C1RL: variants seen among roughly 807,000 people sequenced by gnomAD.
The protein encoded by C1RL is complement C1r subcomponent-like protein.
A neutral mutation model predicts 27.9 loss-of-function variants in C1RL; 27 were observed. The ratio of observed to expected loss-of-function variants is 0.97; its 90% CI spans 0.71 to 1.33. The LOEUF (loss-of-function observed/expected upper bound fraction) is 1.33, where lower values mean the gene tolerates loss of function less well. C1RL is among the 40% of genes most tolerant of loss of function. The pLI is 0.00. For missense variants in C1RL, 563 were observed against 623.9 expected (o/e 0.90, Z 1.04); for synonymous variants, 248 against 252.1 (o/e 0.98, Z 0.15).
At chr12:7,108,796 C>A (rs1349030729) in intron 1 of C1RL, 4 of 551,804 alleles carry the variant, frequency 7.2e-6, no homozygotes, top group Non-Finnish European at 9.6e-6. Context: ...GCAGATCCCA[C>A]CCCACCCTGG....
rs775820531 is a variant in C1RL, at chr12:7,096,947, A to C, written c.908T>G (p.Leu303Trp). 6.2e-7 allele frequency: 1 copy of C among 1,612,804 alleles called. No individual in the cohort carries two copies. Among genetic ancestry groups the C allele is most frequent in the Non-Finnish European group, 8.5e-7 (1 of 1,179,274 alleles). ...LRKNQSVNVF[L>W]GHTAIDEMLK... ...CATCTCATCTATGGCTGTGTGGCCC[A>C]AGAACACATTCACACTCTGGTTCTT... The change falls in exon 6 of 6, where the codon TTG becomes TGG. Residue 303 changes from leucine to tryptophan, a missense_variant. Transcript: ENST00000266542.
At position 7,095,578 on chromosome 12, in the gene C1RL, G is replaced by T; in HGVS notation, c.*813C>A. ...GGCCATTAGGAAAGTGTGAGCTAGA[G>T]GATACCATTTTCGCAGAAGCAGGAA... On this transcript the variant is annotated 3_prime_UTR_variant, in exon 6 of 6. Coordinates refer to ENST00000266542, the MANE Select transcript of C1RL (RefSeq NM_016546.4). The T allele has an allele frequency of 1.0e-6, 1 of 985,932 alleles. No homozygotes were observed. Among genetic ancestry groups the T allele is most frequent in the Non-Finnish European group, 1.2e-6 (1 of 830,296 alleles). 61.1% of individuals were successfully genotyped at this position (985,932 alleles called of 1,614,324 possible). A position where few individuals can be genotyped will look rare whatever the true frequency, so the allele number is the denominator to read the frequency against.
At chr12:7,106,902 A>G (rs1229390369) in intron 2 of C1RL, among the ~76,000 whole-genome samples, 1 of 152,260 alleles carries the variant, frequency 6.6e-6, no homozygotes, top group Non-Finnish European at 1.5e-5. Context: ...AAATGATAAT[A>G]TAGGTAAACT....
intron 2 of C1RL, among the ~76,000 whole-genome samples, chr12:7,103,075 A>C (rs974349322): frequency 6.6e-6 from 1 of 152,232 alleles, no homozygotes; most frequent in Non-Finnish European, 1.5e-5. Context: ...GCGATGAAGA[A>C]AATTTCTCAA....
chr12:7,109,091 C>T lies in C1RL; in HGVS notation c.71+19G>A. ...CCCTCCCGTCCTCTTCCCTCCTCCT[C>T]TGCCGGGGCCACACTCACATTGCGC... On this transcript the variant is annotated intron_variant, in intron 1 of 5. Transcript: ENST00000266542. The T allele has an allele frequency of 6.3e-7, 1 of 1,575,628 alleles. No homozygotes were observed. Among genetic ancestry groups the T allele is most frequent in the South Asian group, 1.2e-5 (1 of 86,608 alleles).
chr12:7,101,130 TTCCCTCCCTCCCTCCCTCCTTCCTTCC>T (rs1938611484), intron 3 of C1RL, among the ~76,000 whole-genome samples: 1 of 21,266 alleles, frequency 4.7e-5, no homozygotes, highest in Non-Finnish European at 8.8e-5. Flanking sequence ...TCCCTCCTTC[TTCCCTCCCTCCCTCCCTCCTTCCTTCC>T]TTCCCTTCTT....
Position 7,096,393 on chromosome 12 carries a change from A to C in C1RL, c.1462T>G (p.Ter488GlyextTer99). 6.3e-7 allele frequency: 1 copy of C among 1,595,330 alleles called. No individual in the cohort carries two copies. The highest frequency in any genetic ancestry group is 8.5e-7 in the Non-Finnish European group (1 of 1,169,718). Residue 488 changes from the stop codon to glycine, a stop_lost, in exon 6 of 6, where the codon TGA becomes GGA. Transcript: ENST00000266542. ...AGTCCCTGTTCAAGCCCCCAGGGTC[A>C]ATTCTTGCCATTCATCACTCCCTTG... ...WIKGVMNGKN[*>G]
chr12:7,095,186 G>A lies in C1RL; in HGVS notation c.*1205C>T, dbSNP rs1037118110. Reference sequence around the variant, plus strand: ...GCTGGAGTGCAGTGGCGTGATCTTAGCTCACTGCAACCTCCGCCTCCCAGG... The same window carrying A: ...GCTGGAGTGCAGTGGCGTGATCTTAACTCACTGCAACCTCCGCCTCCCAGG... On this transcript the variant is annotated 3_prime_UTR_variant, in exon 6 of 6. Transcript: ENST00000266542. The A allele has an allele frequency of 1.3e-5, 14 of 1,076,616 alleles. No individual in the cohort carries two copies. Among genetic ancestry groups the A allele is most frequent in the Admixed American group, 3.6e-5 (1 of 27,408 alleles). The allele number at this position is 1,076,616 out of a possible 1,614,324, so 66.7% of individuals were successfully genotyped here.
Position 7,095,045 on chromosome 12 carries a change from T to G in C1RL, c.*1346A>C. 8.6e-7 allele frequency: 1 copy of G among 1,161,014 alleles called. No individual in the cohort carries two copies. The highest frequency in any genetic ancestry group is 1.1e-6 in the Non-Finnish European group (1 of 928,570). 71.9% of individuals were successfully genotyped at this position (1,161,014 alleles called of 1,614,324 possible). ...CTAACAAATTACCTCTCTTCTCTCT[T>G]TTATGGTGTTTATTTTCTATTTCCA... On this transcript the variant is annotated 3_prime_UTR_variant, in exon 6 of 6. Transcript: ENST00000266542.
intron 5 of C1RL, among the ~76,000 whole-genome samples, chr12:7,099,231 A>C (rs1265263998): frequency 5.1e-5 from 6 of 116,822 alleles, no homozygotes; most frequent in African/African-American, 7.8e-5. Context: ...ATCCCAAAAA[A>C]AAAAAAAAAA....
chr12:7,101,128 TC>T (rs1938610634), intron 3 of C1RL, among the ~76,000 whole-genome samples: 1 of 33,682 alleles, frequency 3.0e-5, no homozygotes, highest in Admixed American at 3.3e-4. Flanking sequence ...CCTCCCTCCT[TC>T]TTCCCTCCCT....
At chr12:7,103,560 A>T (rs1426784205) in intron 2 of C1RL, among the ~76,000 whole-genome samples, 2 of 152,244 alleles carry the variant, frequency 1.3e-5, no homozygotes, top group Admixed American at 1.3e-4. Context: ...CTGCACACAC[A>T]TAAGCTTGCA....
In C1RL at chr12:7,096,993, T is replaced by C. The variant is rs1207410976; in HGVS notation, c.862A>G (p.Lys288Glu). 2.5e-6 allele frequency: 4 copies of C among 1,614,116 alleles called. No individual in the cohort carries two copies. The Admixed American group carries it at 6.7e-5, about 27-fold the overall frequency. ...TTCTTCCTGAGAGAAACACTGTCCT[T>C]GGGGTAGATGGTGTGGGCAGCAGTG... ...ILTAAHTIYPKDSVSLRKNQS... is the reference protein window; with the variant it reads ...ILTAAHTIYPEDSVSLRKNQS... The change falls in exon 6 of 6, where the codon AAG becomes GAG. Residue 288 changes from lysine (K) to glutamate (E), a missense_variant. Coordinates refer to ENST00000266542, the MANE Select transcript of C1RL (RefSeq NM_016546.4).
intron 2 of C1RL, among the ~76,000 whole-genome samples, chr12:7,107,297 T>C (rs1303455028): frequency 6.6e-6 from 1 of 152,138 alleles, no homozygotes; most frequent in African/African-American, 2.4e-5. Flanking sequence ...GCGTCCCTTG[T>C]AGCTGGGACC....
At chr12:7,097,208 A>G in intron 5 of C1RL, 45 bp from the exon 6 acceptor site, 1 of 1,524,240 alleles carries the variant, frequency 6.6e-7, no homozygotes, top group Non-Finnish European at 8.8e-7. Context: ...AGCTGCATCT[A>G]GACACACTGA....
intron 5 of C1RL, chr12:7,098,261 ACT>A (rs1272204210): frequency 4.6e-5 from 7 of 152,306 alleles, no homozygotes; most frequent in Non-Finnish European, 1.0e-4. Flanking sequence ...ACAGAGCGAG[ACT>A]CTGTCTCAAA....
In C1RL at chr12:7,094,817, G is replaced by C. The variant is rs748309043; in HGVS notation, c.*1574C>G. ...TGGACTTCAACTCCTGGGCTCAAGC[G>C]ATCCTCTTGCATCAGCCTCCTGAGT... On this transcript the variant is annotated 3_prime_UTR_variant, in exon 6 of 6. Coordinates refer to ENST00000266542, the MANE Select transcript of C1RL (RefSeq NM_016546.4). 3.1e-6 allele frequency: 3 copies of C among 959,954 alleles called. No homozygotes were observed. The South Asian group carries it at 1.4e-4, about 45-fold the overall frequency. 59.5% of individuals were successfully genotyped at this position (959,954 alleles called of 1,614,324 possible). A position where few individuals can be genotyped will look rare whatever the true frequency, so the allele number is the denominator to read the frequency against.
intron 2 of C1RL, among the ~76,000 whole-genome samples, chr12:7,103,154 C>G (rs189418384): frequency 6.6e-6 from 1 of 152,312 alleles, no homozygotes; most frequent in East Asian, 1.9e-4. Context: ...GCAAATGTAA[C>G]TCCTGGCATT....
chr12:7,102,070 C>T lies in C1RL; in HGVS notation c.318G>A (p.Ser106=), dbSNP rs143079012. ...GCTGACCACAGAACTGGCTTGGATC[C>T]GAACCGACGAATGAGATCTGAAAGC... The part of the protein sequence containing the change: ...GDSVTISFVG[S]DPSQFCGQQG... Residue 106 remains serine (S), a synonymous_variant, in exon 3 of 6, where the codon TCG becomes TCA. Coordinates refer to ENST00000266542, the MANE Select transcript of C1RL (RefSeq NM_016546.4). 5.9e-5 allele frequency: 95 copies of T among 1,606,746 alleles called. No individual in the cohort carries two copies. The highest frequency in any genetic ancestry group is 6.8e-5 in the Non-Finnish European group (80 of 1,173,894).
Sources: allele counts gnomAD v4.1 joint callset (sites outside exome capture counted in the v4.1 genomes callset), GRCh38; gene constraint gnomAD v4.1.1; transcripts MANE v1.5; gene names NCBI Gene and HGNC (gene_info 2026-07-23, HGNC 2026-07-21).